GPC6: variants seen among roughly 807,000 people sequenced by gnomAD.
GPC6 encodes glypican-6.
GPC6 carries 14 observed loss-of-function variants against 55.2 expected under a neutral mutation model. The observed-to-expected ratio is 0.25, with a 90% confidence interval of 0.17 to 0.40. The LOEUF (loss-of-function observed/expected upper bound fraction) is 0.40. Ranked by LOEUF, GPC6 falls within the 10% of genes least tolerant of loss-of-function variation. GPC6 has a pLI of 1.00. For synonymous variants in GPC6, 278 were observed against 259.6 expected, an observed-to-expected ratio of 1.07 and a Z score of -0.68; for missense variants, 641 against 708.5, an observed-to-expected ratio of 0.90 and a Z score of 1.08.
intron 4 of GPC6, among the ~76,000 whole-genome samples, chr13:94,256,686 A>C (rs1365710360): frequency 6.6e-6 from 1 of 152,142 alleles, no homozygotes; most frequent in Non-Finnish European, 1.5e-5. Flanking sequence ...ACAGGATTTA[A>C]CCTCAAGGGT....
In GPC6 at chr13:93,584,451, T is replaced by C. The variant is rs141645415; in HGVS notation, c.319+39030T>C. ...CTCATTCTCTCATGAATGTGCAGTGTGCTACATCAGCTCTTTGAAGGATAA... is the reference window on the plus strand; with the variant it reads ...CTCATTCTCTCATGAATGTGCAGTGCGCTACATCAGCTCTTTGAAGGATAA... On this transcript the variant is annotated intron_variant, in intron 2 of 8. Transcript: ENST00000377047. Among the ~76,000 whole-genome samples the C allele has an allele frequency of 9.2e-5, 14 of 152,256 alleles. No homozygotes were observed. The East Asian group carries it at 2.7e-3, about 29-fold the overall frequency.
intron 3 of GPC6, among the ~76,000 whole-genome samples, chr13:93,878,967 GGAAGAAACAAGAAA>G (rs1486200548): frequency 1.3e-5 from 2 of 152,150 alleles, no homozygotes; most frequent in Admixed American, 6.5e-5. Flanking sequence ...AAGGAGAGAA[GGAAGAAACAAGAAA>G]GCAACTGCAG....
intron 1 of GPC6, among the ~76,000 whole-genome samples, chr13:93,484,251 G>A (rs77947557): frequency 0.028 from 4,256 of 152,040 alleles, 84 homozygotes; most frequent in South Asian, 0.069. Context: ...ATCATTTTCT[G>A]TAGGATATTT....
chr13:93,529,898 T>C lies in GPC6; in HGVS notation c.161-15365T>C, dbSNP rs1300874884. On this transcript the variant is annotated intron_variant, in intron 1 of 8. Coordinates refer to ENST00000377047, the MANE Select transcript of GPC6 (RefSeq NM_005708.5). ...TACCTAACCCATTGCTTGTGTGTTA[T>C]TGAGTGGAAATTAAACAAATGAATG... is the stretch of plus-strand genomic sequence containing the variant. Among the ~76,000 whole-genome samples, 7 of 152,202 alleles carry C rather than the reference T, an allele frequency of 4.6e-5. No individual in the cohort carries two copies. In the South Asian group the frequency reaches 6.2e-4, roughly 14 times the overall value.
chr13:93,496,206 G>C (rs952594715), intron 1 of GPC6, among the ~76,000 whole-genome samples: 3 of 152,214 alleles, frequency 2.0e-5, no homozygotes, highest in Admixed American at 6.5e-5. Flanking sequence ...TCCGAGCCAG[G>C]TGTGGGATAT....
At chr13:93,423,460 C>T (rs1307896237) in intron 1 of GPC6, among the ~76,000 whole-genome samples, 1 of 151,966 alleles carries the variant, frequency 6.6e-6, no homozygotes, top group Non-Finnish European at 1.5e-5. Context: ...GAATTTTTTC[C>T]TTTTTATTTA....
chr13:94,301,340 G>C (rs1247650080), intron 5 of GPC6, among the ~76,000 whole-genome samples: 1 of 152,052 alleles, frequency 6.6e-6, no homozygotes, highest in Middle Eastern at 3.2e-3. Flanking sequence ...GAGGCTGCAG[G>C]GTGTTGTGTT....
chr13:93,857,729 A>G (rs939207504), intron 3 of GPC6, among the ~76,000 whole-genome samples: 1 of 151,614 alleles, frequency 6.6e-6, no homozygotes, highest in Non-Finnish European at 1.5e-5. Context: ...GGCTACTACT[A>G]CTAAGGGCTA....
intron 2 of GPC6, among the ~76,000 whole-genome samples, chr13:93,759,494 G>A (rs2138874506): frequency 6.6e-6 from 1 of 152,226 alleles, no homozygotes; most frequent in Middle Eastern, 3.4e-3. Flanking sequence ...GCTATTCTGT[G>A]GGTTTATAAG....
chr13:94,005,278 C>T (rs944613515), intron 3 of GPC6, among the ~76,000 whole-genome samples: 3 of 152,086 alleles, frequency 2.0e-5, no homozygotes, highest in African/African-American at 4.8e-5. Context: ...AGAACTATGT[C>T]GCAGTTTGTT....
At chr13:94,186,478 C>T (rs1442601591) in intron 4 of GPC6, among the ~76,000 whole-genome samples, 1 of 151,904 alleles carries the variant, frequency 6.6e-6, no homozygotes, top group Admixed American at 6.6e-5. Flanking sequence ...AATTTTTTTT[C>T]TAAATTGATA....
At chr13:93,400,082 C>T (rs923703142) in intron 1 of GPC6, among the ~76,000 whole-genome samples, 1 of 152,096 alleles carries the variant, frequency 6.6e-6, no homozygotes, top group African/African-American at 2.4e-5. Flanking sequence ...AGGTGTTGAC[C>T]TGCAGGTCTT....
chr13:94,266,220 G>C (rs775556924), intron 4 of GPC6, among the ~76,000 whole-genome samples: 3 of 150,978 alleles, frequency 2.0e-5, no homozygotes, highest in Admixed American at 1.3e-4. Context: ...CCAGGCTGGA[G>C]TGCAGTGGCA....
chr13:93,457,963 T>G (rs931753636), intron 1 of GPC6, among the ~76,000 whole-genome samples: 3 of 152,184 alleles, frequency 2.0e-5, no homozygotes, highest in African/African-American at 7.2e-5. Flanking sequence ...TGCCTCTCCC[T>G]CACTCAGGGA....
intron 2 of GPC6, among the ~76,000 whole-genome samples, chr13:93,616,575 G>A (rs974230660): frequency 6.6e-6 from 1 of 152,102 alleles, no homozygotes; most frequent in African/African-American, 2.4e-5. Context: ...AGGTTACACA[G>A]AGGGTAAGAA....
intron 1 of GPC6, among the ~76,000 whole-genome samples, chr13:93,361,709 G>A (rs1881046755): frequency 6.6e-6 from 1 of 152,144 alleles, no homozygotes; most frequent in Non-Finnish European, 1.5e-5. Context: ...ATTCTATTAT[G>A]AGATGCGAGA....
chr13:93,288,014 G>A (rs1319320174), intron 1 of GPC6, among the ~76,000 whole-genome samples: 1 of 152,112 alleles, frequency 6.6e-6, no homozygotes, highest in Non-Finnish European at 1.5e-5. Flanking sequence ...AGCTTCATCG[G>A]TTTTGATTTT....
chr13:93,683,841 T>TA (rs1881944466), intron 2 of GPC6, among the ~76,000 whole-genome samples: 1 of 152,102 alleles, frequency 6.6e-6, no homozygotes, highest in Non-Finnish European at 1.5e-5. Flanking sequence ...GACAGAAACT[T>TA]ATGTCTCACA....
intron 4 of GPC6, among the ~76,000 whole-genome samples, chr13:94,089,749 C>T (rs1885413048): frequency 6.6e-6 from 1 of 152,060 alleles, no homozygotes; most frequent in Non-Finnish European, 1.5e-5. Context: ...GGAATGTGTC[C>T]ATTGGGTGAC....
Sources: allele counts gnomAD v4.1 joint callset (sites outside exome capture counted in the v4.1 genomes callset), GRCh38; gene constraint gnomAD v4.1.1; transcripts MANE v1.5; gene names NCBI Gene and HGNC (gene_info 2026-07-23, HGNC 2026-07-21).